The following CPNE4 variants were observed in gnomAD, a reference collection of about 807,000 sequenced individuals.
CPNE4 encodes the protein copine-4.
A neutral mutation model predicts 67.9 loss-of-function variants in CPNE4; 25 were observed. That is an observed-to-expected ratio of 0.37 (90% CI 0.27 to 0.51). The LOEUF is 0.51. Ranked by LOEUF, CPNE4 falls within the 20% of genes least tolerant of loss-of-function variation. CPNE4 has a pLI of 0.93. For missense variants in CPNE4, 464 were observed against 690.8 expected, an observed-to-expected ratio of 0.67 and a Z score of 3.68; for synonymous variants, 242 against 244.9, an observed-to-expected ratio of 0.99 and a Z score of 0.11.
intron 1 of CPNE4, among the ~76,000 whole-genome samples, chr3:131,942,483 A>ATCT (rs2071427813): frequency 7.9e-6 from 1 of 126,524 alleles, no homozygotes. Context: ...AGAGAGAGAG[A>ATCT]GAGAGAGAGA....
intron 2 of CPNE4, among the ~76,000 whole-genome samples, chr3:131,747,538 C>A: frequency 7.5e-6 from 1 of 132,574 alleles, no homozygotes; most frequent in East Asian, 2.1e-4. Flanking sequence ...ATTTGGTTTC[C>A]ACTTAAAAAA....
At chr3:131,946,517 G>A (rs2071556817) in intron 1 of CPNE4, among the ~76,000 whole-genome samples, 1 of 152,104 alleles carries the variant, frequency 6.6e-6, no homozygotes, top group Non-Finnish European at 1.5e-5. Context: ...ATCTTTTTAT[G>A]TGCTTGTTGG....
chr3:131,910,236 G>A (rs1337206022), intron 1 of CPNE4, among the ~76,000 whole-genome samples: 4 of 150,398 alleles, frequency 2.7e-5, no homozygotes, highest in South Asian at 4.2e-4. Context: ...TTCTGGGGAA[G>A]GGGGGAGAAA....
intron 1 of CPNE4, among the ~76,000 whole-genome samples, chr3:132,025,329 C>A (rs949510551): frequency 2.0e-5 from 3 of 152,120 alleles, no homozygotes; most frequent in Admixed American, 6.5e-5. Flanking sequence ...GTTCCTGGGG[C>A]CAGTACTAAA....
intron 1 of CPNE4, among the ~76,000 whole-genome samples, chr3:131,907,491 G>A (rs569524423): frequency 2.2e-5 from 2 of 89,436 alleles, no homozygotes; most frequent in East Asian, 6.9e-4. Flanking sequence ...TCAGCATTAC[G>A]CATCACACAG....
intron 7 of CPNE4, among the ~76,000 whole-genome samples, chr3:131,667,187 G>A (rs962508360): frequency 4.6e-5 from 7 of 151,776 alleles, no homozygotes; most frequent in African/African-American, 7.3e-5. Context: ...TAAAAAGTTC[G>A]TTGCTTTCTG....
Position 131,723,629 on chromosome 3 carries a change from C to T in CPNE4, c.181-4G>A, listed in dbSNP as rs1583084337. 1 of 1,606,810 alleles carries T rather than the reference C, an allele frequency of 6.2e-7. No homozygotes were observed. The highest frequency in any genetic ancestry group is 1.3e-5 in the African/African-American group (1 of 74,618). On this transcript the variant is annotated splice_polypyrimidine_tract_variant and splice_region_variant and intron_variant, in intron 2 of 15. Transcript: ENST00000429747. Reference sequence around the variant, plus strand: ...GAATCACCTCAGTCCTGTCAACCTGCAAGGAGAAAGAGAAAACCTATCAGA... The same window carrying T: ...GAATCACCTCAGTCCTGTCAACCTGTAAGGAGAAAGAGAAAACCTATCAGA...
rs374706891 is a variant in CPNE4 at position 131,951,908 on chromosome 3, C to G, written c.-1-46464G>C. Among the ~76,000 whole-genome samples, 249 of 152,150 alleles carry G rather than the reference C, an allele frequency of 1.6e-3. 11 individuals are homozygous for G. In the East Asian group the frequency reaches 0.046, roughly 28 times the overall value. Reference sequence around the variant, plus strand: ...GGAGTGCAGTGGTGTGATCTCGGCTCGCTACAACCTCCACCTCCCAGCCAC... The same window carrying G: ...GGAGTGCAGTGGTGTGATCTCGGCTGGCTACAACCTCCACCTCCCAGCCAC... On this transcript the variant is annotated intron_variant, in intron 1 of 15. Coordinates refer to ENST00000429747, the MANE Select transcript of CPNE4 (RefSeq NM_130808.3).
chr3:131,827,394 T>C (rs993166081), intron 2 of CPNE4, among the ~76,000 whole-genome samples: 1 of 151,028 alleles, frequency 6.6e-6, no homozygotes, highest in Non-Finnish European at 1.5e-5. Context: ...TCATGGCTAC[T>C]CATGGGCAGC....
At chr3:131,924,536 TA>T (rs529339860) in intron 1 of CPNE4, among the ~76,000 whole-genome samples, 9 of 152,008 alleles carry the variant, frequency 5.9e-5, no homozygotes, top group East Asian at 1.9e-4. Flanking sequence ...GGAGATCTTT[TA>T]AAAAAAATGC....
chr3:131,937,244 A>C (rs1269438932), intron 1 of CPNE4, among the ~76,000 whole-genome samples: 1 of 152,230 alleles, frequency 6.6e-6, no homozygotes, highest in Non-Finnish European at 1.5e-5. Context: ...GACATGTCTT[A>C]GTAAAGTTTA....
At chr3:131,678,822 T>C (rs2080654034) in intron 6 of CPNE4, among the ~76,000 whole-genome samples, 1 of 152,190 alleles carries the variant, frequency 6.6e-6, no homozygotes, top group Non-Finnish European at 1.5e-5. Context: ...GTTGCTGGAT[T>C]TGGTTTGCCA....
intron 2 of CPNE4, among the ~76,000 whole-genome samples, chr3:131,895,975 A>G (rs544581587): frequency 7.2e-5 from 11 of 152,174 alleles, no homozygotes; most frequent in African/African-American, 2.6e-4. Context: ...ATCCCAGTGG[A>G]GGCCAAGGTG....
intron 7 of CPNE4, among the ~76,000 whole-genome samples, chr3:131,597,409 A>G (rs1938946941): frequency 1.3e-5 from 2 of 152,190 alleles, no homozygotes; most frequent in African/African-American, 2.4e-5. Context: ...GTGTATACCT[A>G]TGTAACAAAA....
intron 10 of CPNE4, among the ~76,000 whole-genome samples, chr3:131,573,438 T>A (rs1355542337): frequency 1.3e-5 from 2 of 152,048 alleles, no homozygotes; most frequent in Non-Finnish European, 2.9e-5. Flanking sequence ...AAAGTCAGGA[T>A]GTGGAGCTGG....
At chr3:131,958,447 A>G (rs532327334) in intron 1 of CPNE4, among the ~76,000 whole-genome samples, 1 of 152,088 alleles carries the variant, frequency 6.6e-6, no homozygotes, top group African/African-American at 2.4e-5. Context: ...GGAGCCCAGG[A>G]AGCTGTTTCA....
At chr3:131,986,558 T>C (rs1437172883) in intron 1 of CPNE4, among the ~76,000 whole-genome samples, 1 of 152,168 alleles carries the variant, frequency 6.6e-6, no homozygotes, top group Non-Finnish European at 1.5e-5. Context: ...AGGTAACGAC[T>C]GTTCTCTCCT....
intron 2 of CPNE4, among the ~76,000 whole-genome samples, chr3:131,747,064 T>C (rs1318369949): frequency 6.6e-6 from 1 of 152,158 alleles, no homozygotes; most frequent in African/African-American, 2.4e-5. Context: ...GCCATTTGTA[T>C]GTTTTCTCTT....
chr3:131,626,454 A>T (rs1313252415), intron 7 of CPNE4, among the ~76,000 whole-genome samples: 1 of 152,208 alleles, frequency 6.6e-6, no homozygotes, highest in African/African-American at 2.4e-5. Context: ...AAAAAATCAA[A>T]CCAGTCACAA....
Sources: gnomAD v4.1 joint callset for allele counts (sites outside exome capture counted in the v4.1 genomes callset) on GRCh38, gnomAD v4.1.1 for gene constraint, MANE v1.5 for transcripts, NCBI Gene and HGNC (gene_info 2026-07-23, HGNC 2026-07-21) for gene names.